BRINP1: variants seen among roughly 807,000 people sequenced by gnomAD.
BRINP1 encodes BMP/retinoic acid-inducible neural-specific protein 1.
BRINP1 carries 17 observed loss-of-function variants against 72.9 expected under a neutral mutation model. That is an observed-to-expected ratio of 0.23 (90% CI 0.16 to 0.35). The LOEUF is 0.35. BRINP1 is among the 10% of genes least tolerant of loss of function. The pLI is 1.00. For missense variants in BRINP1, 850 were observed against 1,001.6 expected (o/e 0.85, Z 2.04); for synonymous variants, 418 against 378.5 (o/e 1.10, Z -1.21).
chr9:119,326,768 G>T (rs1265492472), intron 1 of BRINP1, among the ~76,000 whole-genome samples: 2 of 152,150 alleles, frequency 1.3e-5, no homozygotes, highest in Non-Finnish European at 2.9e-5. Context: ...ATGCGAGATG[G>T]ACATAGAAAT....
chr9:119,321,479 A>AT (rs755402038), intron 1 of BRINP1, among the ~76,000 whole-genome samples: 1 of 151,880 alleles, frequency 6.6e-6, no homozygotes, highest in Admixed American at 6.6e-5. Context: ...GAATTTATTT[A>AT]TTTTTTTTAT....
At chr9:119,338,816 C>T (rs1831378463) in intron 1 of BRINP1, among the ~76,000 whole-genome samples, 2 of 149,074 alleles carry the variant, frequency 1.3e-5, no homozygotes, top group South Asian at 4.3e-4. Flanking sequence ...ACCCAGGAGG[C>T]GGAGCTTGCA....
chr9:119,308,375 G>A (rs1470691111), intron 2 of BRINP1, among the ~76,000 whole-genome samples: 1 of 152,198 alleles, frequency 6.6e-6, no homozygotes, highest in Non-Finnish European at 1.5e-5. Flanking sequence ...AGTGGGGCAA[G>A]GGTGGGCTTC....
Position 119,199,293 on chromosome 9 carries a change from C to T in BRINP1, c.1145+9426G>A, listed in dbSNP as rs188705243. 1.6e-3 allele frequency among the ~76,000 whole-genome samples: 236 copies of T among 152,220 alleles called. 2 individuals carry two copies. Among genetic ancestry groups the T allele is most frequent in the Non-Finnish European group, 1.1e-3 (74 of 68,010 alleles). On this transcript the variant is annotated intron_variant, in intron 7 of 7. Transcript: ENST00000265922. ...CAGAGACAAATAAGTACAGGGTTCACAGAGAAGAATCAAAATCAGTATGAA... is the reference window on the plus strand; with the variant it reads ...CAGAGACAAATAAGTACAGGGTTCATAGAGAAGAATCAAAATCAGTATGAA...
intron 1 of BRINP1, among the ~76,000 whole-genome samples, chr9:119,350,079 C>T (rs989042498): frequency 6.6e-6 from 1 of 152,104 alleles, no homozygotes; most frequent in Admixed American, 6.6e-5. Context: ...GATTTTGGAT[C>T]CTGACCATGG....
chr9:119,361,681 C>T (rs1021549984), intron 1 of BRINP1, among the ~76,000 whole-genome samples: 2 of 149,764 alleles, frequency 1.3e-5, no homozygotes, highest in South Asian at 4.2e-4. Context: ...AGTGCAGTGG[C>T]ATGATCTTGG....
At chr9:119,202,477 T>C (rs1249421233) in intron 7 of BRINP1, among the ~76,000 whole-genome samples, 1 of 152,156 alleles carries the variant, frequency 6.6e-6, no homozygotes, top group Non-Finnish European at 1.5e-5. Flanking sequence ...GAAATTATTA[T>C]ACCCATTTTA....
chr9:119,268,407 A>G (rs1037994326), intron 2 of BRINP1, among the ~76,000 whole-genome samples: 3 of 152,058 alleles, frequency 2.0e-5, no homozygotes, highest in African/African-American at 4.8e-5. Context: ...ATTGATCTCT[A>G]TCCAAAGTGG....
intron 1 of BRINP1, among the ~76,000 whole-genome samples, chr9:119,324,679 G>T (rs1253266794): frequency 1.3e-5 from 2 of 152,092 alleles, no homozygotes. Context: ...TTGAACACTG[G>T]GGAATTGAGA....
intron 2 of BRINP1, among the ~76,000 whole-genome samples, chr9:119,306,395 G>C (rs1268360038): frequency 6.6e-6 from 1 of 152,188 alleles, no homozygotes; most frequent in Non-Finnish European, 1.5e-5. Context: ...GGGAGACCTT[G>C]ATAAAAAATT....
chr9:119,256,413 G>A lies in BRINP1; in HGVS notation c.219-7263C>T, dbSNP rs183740648. Among the ~76,000 whole-genome samples, 1,433 of 152,250 alleles carry A rather than the reference G, an allele frequency of 9.4e-3. 9 individuals carry two copies. Among genetic ancestry groups the A allele is most frequent in the South Asian group, 0.027 (131 of 4,820 alleles). On this transcript the variant is annotated intron_variant, in intron 2 of 7. Coordinates refer to ENST00000265922, the MANE Select transcript of BRINP1 (RefSeq NM_014618.3). ...AAAGGTGGGATCTGATTCTTGTGAA[G>A]TAAGCTGAAAGTAGCAAGGCTAAAT...
intron 5 of BRINP1, among the ~76,000 whole-genome samples, chr9:119,229,099 T>C (rs1342124589): frequency 6.6e-6 from 1 of 152,100 alleles, no homozygotes; most frequent in Non-Finnish European, 1.5e-5. Flanking sequence ...GTGGTTGTTC[T>C]TAATATTTGG....
chr9:119,346,760 T>C (rs544209932), intron 1 of BRINP1, among the ~76,000 whole-genome samples: 48 of 152,266 alleles, frequency 3.2e-4, no homozygotes, highest in African/African-American at 1.1e-3. Flanking sequence ...GAGCTTGTGA[T>C]TCTATGGTGT....
chr9:119,279,353 C>A (rs780086144), intron 2 of BRINP1, among the ~76,000 whole-genome samples: 25 of 152,200 alleles, frequency 1.6e-4, no homozygotes, highest in Non-Finnish European at 7.3e-5. Flanking sequence ...TTCGCCAGGG[C>A]ACCTGCCCAC....
chr9:119,342,869 T>C (rs1400549822), intron 1 of BRINP1, among the ~76,000 whole-genome samples: 3 of 152,238 alleles, frequency 2.0e-5, no homozygotes, highest in Non-Finnish European at 4.4e-5. Context: ...GCACAGGCTC[T>C]GGAACTGAGG....
At chr9:119,336,726 A>G (rs191451938) in intron 1 of BRINP1, among the ~76,000 whole-genome samples, 2 of 152,196 alleles carry the variant, frequency 1.3e-5, no homozygotes, top group East Asian at 3.9e-4. Context: ...GCACACACGT[A>G]CCCTTGGAGG....
chr9:119,217,824 T>A (rs1168671096), intron 5 of BRINP1, among the ~76,000 whole-genome samples: 1 of 152,186 alleles, frequency 6.6e-6, no homozygotes, highest in African/African-American at 2.4e-5. Flanking sequence ...TCTTCTGTAC[T>A]GAGAATACAT....
intron 7 of BRINP1, among the ~76,000 whole-genome samples, chr9:119,170,917 A>G (rs1199100426): frequency 3.5e-5 from 5 of 144,556 alleles, no homozygotes; most frequent in Non-Finnish European, 7.5e-5. Context: ...AATACTTTAC[A>G]GACAAGCAAA....
chr9:119,310,895 G>T (rs1409063516), intron 2 of BRINP1, among the ~76,000 whole-genome samples: 2 of 152,204 alleles, frequency 1.3e-5, no homozygotes, highest in Non-Finnish European at 2.9e-5. Flanking sequence ...GCATGTCCTA[G>T]TTGGCTGTTG....
Sources: allele counts gnomAD v4.1 joint callset (sites outside exome capture counted in the v4.1 genomes callset), GRCh38; gene constraint gnomAD v4.1.1; transcripts MANE v1.5; gene names NCBI Gene and HGNC (gene_info 2026-07-23, HGNC 2026-07-21).